CSMD3: variants seen among roughly 807,000 people sequenced by gnomAD.
CSMD3 encodes CUB and Sushi multiple domains 3, also known as CUB and sushi domain-containing protein 3.
In CSMD3, 177 loss-of-function variants were observed where a neutral mutation model predicts 435.2. The observed-to-expected ratio is 0.41, with a 90% CI of 0.36 to 0.46. The LOEUF is 0.46. Among genes scored for constraint, CSMD3 ranks in the 20% least tolerant of loss-of-function variants. CSMD3 has a pLI of 0.34. For synonymous variants in CSMD3, 1,656 were observed against 1,520.5 expected (o/e 1.09, Z -2.07); for missense variants, 4,265 against 4,504.6 (o/e 0.95, Z 1.52).
intron 68 of CSMD3, among the ~76,000 whole-genome samples, chr8:112,233,937 A>T (rs911115802): frequency 2.0e-5 from 3 of 152,132 alleles, no homozygotes; most frequent in African/African-American, 7.2e-5. Flanking sequence ...TAATTTTCTG[A>T]TGTACTTTGT....
chr8:112,366,350 G>A (rs960777166), intron 38 of CSMD3, among the ~76,000 whole-genome samples: 6 of 152,028 alleles, frequency 3.9e-5, no homozygotes, highest in Non-Finnish European at 8.8e-5. Context: ...ATCAAACAAG[G>A]GTAAATTTGA....
intron 22 of CSMD3, among the ~76,000 whole-genome samples, chr8:112,606,401 C>G (rs962283805): frequency 8.5e-5 from 13 of 152,168 alleles, no homozygotes; most frequent in African/African-American, 3.1e-4. Flanking sequence ...AGAAGGGAGG[C>G]TGCAGAAGCT....
chr8:112,571,222 G>A (rs1829487827), intron 24 of CSMD3, among the ~76,000 whole-genome samples: 2 of 151,882 alleles, frequency 1.3e-5, no homozygotes, highest in Non-Finnish European at 1.5e-5. Context: ...GGTCAGGCTG[G>A]TCTCAGACTC....
chr8:112,898,529 TTGAA>T (rs930463654), intron 10 of CSMD3, among the ~76,000 whole-genome samples: 5 of 151,222 alleles, frequency 3.3e-5, no homozygotes, highest in South Asian at 2.1e-4. Flanking sequence ...TTTGTATAAT[TTGAA>T]TGATAGAGTT....
intron 22 of CSMD3, among the ~76,000 whole-genome samples, chr8:112,587,793 A>T (rs575168542): frequency 6.6e-6 from 1 of 152,034 alleles, no homozygotes; most frequent in South Asian, 2.1e-4. Flanking sequence ...TAACAATTAA[A>T]CAATAATTGT....
chr8:112,732,699 C>CAAAAAAAAAA (rs34891739), intron 13 of CSMD3, among the ~76,000 whole-genome samples: 1 of 97,192 alleles, frequency 1.0e-5, no homozygotes, highest in African/African-American at 3.4e-5. Context: ...GACTCCATCT[C>CAAAAAAAAAA]AAAAAAAAAA....
At chr8:112,520,484 A>T (rs1375119260) in intron 27 of CSMD3, among the ~76,000 whole-genome samples, 1 of 151,986 alleles carries the variant, frequency 6.6e-6, no homozygotes, top group Non-Finnish European at 1.5e-5. Flanking sequence ...ATAAAGCCAT[A>T]TCCTACTAGT....
Position 113,085,975 on chromosome 8 carries a change from T to C in CSMD3, c.917+12781A>G, listed in dbSNP as rs1055255374. 7.4e-4 allele frequency among the ~76,000 whole-genome samples: 113 copies of C among 152,156 alleles called. 1 individual carries two copies. Among genetic ancestry groups the C allele is most frequent in the Non-Finnish European group, 2.1e-4 (14 of 68,004 alleles). On this transcript the variant is annotated intron_variant, in intron 5 of 70. Transcript: ENST00000297405. ...CCAACCGGCTGGGTGCAGTGGCTCA[T>C]GCCTGTAATCCCAGCACTTCGGGAG...
At chr8:112,876,106 T>C (rs2081274392) in intron 10 of CSMD3, among the ~76,000 whole-genome samples, 1 of 152,002 alleles carries the variant, frequency 6.6e-6, no homozygotes, top group African/African-American at 2.4e-5. Flanking sequence ...CCTGGGCACA[T>C]ACACCCTCTT....
chr8:112,346,669 C>CTTTTTTTTTTTTTTTTTTT (rs1402415225), intron 40 of CSMD3, among the ~76,000 whole-genome samples: 4 of 111,850 alleles, frequency 3.6e-5, no homozygotes, highest in Admixed American at 2.0e-4. Context: ...CCTCCTTTTC[C>CTTTTTTTTTTTTTTTTTTT]TTTTTTTTTT....
chr8:113,073,771 G>C (rs956667108), intron 5 of CSMD3, among the ~76,000 whole-genome samples: 5 of 151,548 alleles, frequency 3.3e-5, no homozygotes, highest in Admixed American at 2.6e-4. Context: ...GCATATATAG[G>C]ACCTTTCACA....
intron 4 of CSMD3, among the ~76,000 whole-genome samples, chr8:113,120,578 T>C (rs2090958560): frequency 6.6e-6 from 1 of 152,180 alleles, no homozygotes; most frequent in Non-Finnish European, 1.5e-5. Flanking sequence ...GCACCAATCT[T>C]GTGCAAGGTG....
chr8:113,334,807 G>A (rs2094058307), intron 1 of CSMD3, among the ~76,000 whole-genome samples: 1 of 151,812 alleles, frequency 6.6e-6, no homozygotes, highest in South Asian at 2.1e-4. Context: ...TTCTTTTAAG[G>A]AATCGGTGCA....
intron 13 of CSMD3, among the ~76,000 whole-genome samples, chr8:112,691,780 T>C (rs921087500): frequency 6.6e-6 from 1 of 151,928 alleles, no homozygotes; most frequent in Admixed American, 6.6e-5. Flanking sequence ...TGTTGATAAA[T>C]TGTTTTTTTG....
intron 3 of CSMD3, among the ~76,000 whole-genome samples, chr8:113,268,882 A>G (rs372087433): frequency 2.0e-5 from 3 of 152,074 alleles, no homozygotes; most frequent in Non-Finnish European, 4.4e-5. Flanking sequence ...CCAATAAAAA[A>G]TTCAGATATA....
chr8:112,774,263 T>C (rs16884096), intron 13 of CSMD3, among the ~76,000 whole-genome samples: 50,476 of 151,758 alleles, frequency 0.33, 9,241 homozygotes, highest in African/African-American at 0.5. Flanking sequence ...AGTTACCTAA[T>C]TGCCACCAAA....
At chr8:112,987,725 A>T (rs896555647) in intron 6 of CSMD3, among the ~76,000 whole-genome samples, 5 of 152,088 alleles carry the variant, frequency 3.3e-5, no homozygotes, top group Non-Finnish European at 5.9e-5. Context: ...TTATTTACTT[A>T]TGTTTTATTT....
chr8:113,339,984 A>G (rs754730359), intron 1 of CSMD3, among the ~76,000 whole-genome samples: 4 of 152,022 alleles, frequency 2.6e-5, no homozygotes, highest in Non-Finnish European at 4.4e-5. Flanking sequence ...ATCAAGGTGT[A>G]TTTCTTATAA....
chr8:112,582,284 T>C (rs1830389839), intron 23 of CSMD3, among the ~76,000 whole-genome samples: 1 of 152,060 alleles, frequency 6.6e-6, no homozygotes, highest in East Asian at 1.9e-4. Context: ...GTGAGCTTCC[T>C]GAGGTCCTCA....
Sources: allele counts gnomAD v4.1 joint callset (sites outside exome capture counted in the v4.1 genomes callset), GRCh38; gene constraint gnomAD v4.1.1; transcripts MANE v1.5; gene names NCBI Gene and HGNC (gene_info 2026-07-23, HGNC 2026-07-21).